Variants in ING5 observed in about 807,000 individuals in gnomAD.
The protein encoded by ING5 is inhibitor of growth family member 5.
In ING5, 17 loss-of-function variants were observed where a neutral mutation model predicts 37.4. The observed-to-expected ratio is 0.45, with a 90% confidence interval of 0.31 to 0.68. The LOEUF is 0.68. Among genes scored for constraint, ING5 ranks in the 30% least tolerant of loss-of-function variants. The pLI is 0.05. For synonymous variants in ING5, 123 were observed against 116.6 expected, an observed-to-expected ratio of 1.06 and a Z score of -0.36; for missense variants, 233 against 311.9, an observed-to-expected ratio of 0.75 and a Z score of 1.91.
rs540087522 is a variant in ING5 at position 241,726,054 on chromosome 2, G to A, written c.*1023G>A. 2 of 152,790 alleles carry A rather than the reference G, an allele frequency of 1.3e-5. No homozygotes were observed. The highest frequency in any genetic ancestry group is 2.4e-5 in the African/African-American group (1 of 41,582). The allele number at this position is 152,790 out of a possible 1,614,324, so 9.5% of individuals were successfully genotyped here. On this transcript the variant is annotated 3_prime_UTR_variant, in exon 8 of 8. Transcript: ENST00000313552. ...CAAGCTGAGCCGGAGCCATCCTTTC[G>A]GTGGTAGTTGGGGAAGGCTATGCAG...
At chr2:241,705,394 C>CTTTTTTTTTTTTTTTTTTTTTT (rs774566608) in intron 2 of ING5, among the ~76,000 whole-genome samples, 1 of 117,272 alleles carries the variant, frequency 8.5e-6, no homozygotes, top group Non-Finnish European at 1.7e-5. Context: ...CTGTTTTTTT[C>CTTTTTTTTTTTTTTTTTTTTTT]TTTTTTTTTT....
intron 5 of ING5, chr2:241,719,522 G>A (rs764259126): frequency 2.4e-5 from 37 of 1,534,470 alleles, no homozygotes; most frequent in South Asian, 7.1e-5. Context: ...CTTCCTGCTC[G>A]GAACCTGAAG....
At chr2:241,708,229 A>T (rs2069986244) in intron 2 of ING5, among the ~76,000 whole-genome samples, 1 of 130,538 alleles carries the variant, frequency 7.7e-6, no homozygotes, top group Admixed American at 8.3e-5. Context: ...TTTTTTTGAG[A>T]TGGAGTCTCA....
intron 2 of ING5, among the ~76,000 whole-genome samples, chr2:241,693,457 C>G (rs535523004): frequency 6.6e-6 from 1 of 151,778 alleles, no homozygotes; most frequent in Admixed American, 6.6e-5. Context: ...GCATGTGGAC[C>G]TTCACACAGC....
intron 3 of ING5, among the ~76,000 whole-genome samples, chr2:241,710,731 G>T (rs187253383): frequency 3.2e-4 from 49 of 152,254 alleles, no homozygotes; most frequent in Non-Finnish European, 5.6e-4. Flanking sequence ...TGATTGACCT[G>T]CCTCAGCCTC....
At chr2:241,699,036 T>C (rs1231850716), upstream of ING5, among the ~76,000 whole-genome samples, 3 of 119,580 alleles carry the variant, frequency 2.5e-5, no homozygotes, top group Non-Finnish European at 4.9e-5. Context: ...TGAATTTTTT[T>C]TTGGGGGGGG....
At chr2:241,692,158 G>A (rs1323920905) in intron 2 of ING5, among the ~76,000 whole-genome samples, 1 of 152,196 alleles carries the variant, frequency 6.6e-6, no homozygotes, top group African/African-American at 2.4e-5. Context: ...CGCAGCACCA[G>A]TCATGTGGTG....
At chr2:241,707,099 A>G (rs1406275205) in intron 2 of ING5, among the ~76,000 whole-genome samples, 1 of 151,020 alleles carries the variant, frequency 6.6e-6, no homozygotes, top group East Asian at 2.0e-4. Flanking sequence ...AGCTGGGATT[A>G]CAGGCATGCA....
intron 5 of ING5, chr2:241,719,688 CG>C: frequency 4.6e-6 from 7 of 1,522,976 alleles, no homozygotes; most frequent in Non-Finnish European, 6.1e-6. Context: ...CTGTTGGGGT[CG>C]GGGCTTCCTC....
At chr2:241,724,072 GAT>G in intron 7 of ING5, 1 of 1,372,786 alleles carries the variant, frequency 7.3e-7, no homozygotes, top group East Asian at 2.8e-5. Flanking sequence ...TCTAAAAATG[GAT>G]ATCTATGTTC....
At chr2:241,723,650 A>G in intron 7 of ING5, 1 of 1,013,480 alleles carries the variant, frequency 9.9e-7, no homozygotes, top group Non-Finnish European at 1.5e-6. Context: ...TGGGAAATAT[A>G]GCATGAGATG....
chr2:241,703,312 G>A (rs2069801818), intron 1 of ING5, among the ~76,000 whole-genome samples: 2 of 152,194 alleles, frequency 1.3e-5, no homozygotes, highest in South Asian at 4.1e-4. Flanking sequence ...TAAAATGATT[G>A]CCTGGTAACT....
At chr2:241,707,395 A>AT (rs1423986882) in intron 2 of ING5, among the ~76,000 whole-genome samples, 2 of 151,688 alleles carry the variant, frequency 1.3e-5, no homozygotes, top group Admixed American at 1.3e-4. Flanking sequence ...GGTTCAAGCA[A>AT]TTCTCCTGCC....
intron 3 of ING5, among the ~76,000 whole-genome samples, 172 bp downstream of exon 3, chr2:241,709,554 T>C (rs1333783370): frequency 1.1e-5 from 1 of 89,626 alleles, no homozygotes; most frequent in Non-Finnish European, 2.1e-5. Flanking sequence ...GGACCATCCC[T>C]GTTTTTTTTT....
chr2:241,693,652 C>T (rs866481356), intron 2 of ING5, among the ~76,000 whole-genome samples: 10 of 78,562 alleles, frequency 1.3e-4, no homozygotes, highest in South Asian at 1.1e-3. Flanking sequence ...AAATACAACT[C>T]TTTTTTTTTT....
At chr2:241,719,559 C>T (rs940138318) in intron 5 of ING5, 5 of 1,536,102 alleles carry the variant, frequency 3.3e-6, no homozygotes, top group East Asian at 2.4e-5. Context: ...GCCTTTTCTG[C>T]GTGAAAGTGG....
chr2:241,710,286 T>C (rs1462499364), intron 3 of ING5, among the ~76,000 whole-genome samples: 3 of 151,454 alleles, frequency 2.0e-5, no homozygotes, highest in Non-Finnish European at 4.4e-5. Context: ...TTTGTAGTTT[T>C]ATTTTTTTAT....
chr2:241,703,416 C>G (rs572423379), intron 1 of ING5, among the ~76,000 whole-genome samples: 1 of 152,160 alleles, frequency 6.6e-6, no homozygotes, highest in African/African-American at 2.4e-5. Context: ...TTGGCCTGGT[C>G]TAGGGGGTAA....
chr2:241,700,185 G>A (rs1343718457), upstream of ING5, among the ~76,000 whole-genome samples: 2 of 108,582 alleles, frequency 1.8e-5, no homozygotes, highest in African/African-American at 3.7e-5. Context: ...GGGACGGAGT[G>A]TTGCTCTGTC....
Sources: allele counts gnomAD v4.1 joint callset (sites outside exome capture counted in the v4.1 genomes callset), GRCh38; gene constraint gnomAD v4.1.1; transcripts MANE v1.5; gene names NCBI Gene and HGNC (gene_info 2026-07-23, HGNC 2026-07-21).